Variants in SOX5 observed in about 807,000 individuals in gnomAD.
SOX5 encodes SRY-box transcription factor 5.
SOX5 carries 9 observed loss-of-function variants against 92.0 expected under a neutral mutation model. The ratio of observed to expected loss-of-function variants is 0.10; its 90% CI spans 0.06 to 0.17. The LOEUF is 0.17. Among genes scored for constraint, SOX5 ranks in the 10% least tolerant of loss-of-function variants. The probability of loss-of-function intolerance (pLI) is 1.00; values close to 1 mark genes in which losing one functional copy is unlikely to be tolerated. For synonymous variants in SOX5, 344 were observed against 336.3 expected (o/e 1.02, Z -0.25); for missense variants, 642 against 944.5 (o/e 0.68, Z 4.20).
chr12:23,945,035 C>T (rs914848122), intron 1 of SOX5, among the ~76,000 whole-genome samples: 2 of 152,094 alleles, frequency 1.3e-5, no homozygotes, highest in African/African-American at 4.8e-5. Flanking sequence ...AGGTATTCAG[C>T]CTACATAATG....
At chr12:23,555,418 ACT>A (rs1010200935) in intron 11 of SOX5, among the ~76,000 whole-genome samples, 30 of 151,664 alleles carry the variant, frequency 2.0e-4, no homozygotes, top group African/African-American at 7.3e-4. Flanking sequence ...AGAACACAAG[ACT>A]CTCTGTTTGA....
At chr12:23,585,436 T>C (rs1288326752) in intron 9 of SOX5, among the ~76,000 whole-genome samples, 2 of 152,098 alleles carry the variant, frequency 1.3e-5, no homozygotes, top group African/African-American at 4.8e-5. Flanking sequence ...GGTCAGTACA[T>C]CCAAACTACA....
At chr12:23,971,765 T>G (rs1235568606) in intron 4 of SOX5, among the ~76,000 whole-genome samples, 5 of 152,098 alleles carry the variant, frequency 3.3e-5, no homozygotes, top group Non-Finnish European at 7.4e-5. Flanking sequence ...CCCAAGTCTG[T>G]TAATTATTTT....
intron 1 of SOX5, among the ~76,000 whole-genome samples, chr12:24,479,058 A>G (rs537101947): frequency 2.0e-5 from 3 of 152,296 alleles, no homozygotes; most frequent in South Asian, 4.2e-4. Context: ...AACCTAGCCA[A>G]TCTGAACTTC....
At chr12:24,371,960 C>T (rs988179671) in intron 1 of SOX5, among the ~76,000 whole-genome samples, 8 of 150,646 alleles carry the variant, frequency 5.3e-5, no homozygotes, top group African/African-American at 1.7e-4. Context: ...TGCACTCTAG[C>T]GTGGGTGACA....
chr12:23,988,837 C>T (rs1367525882), intron 4 of SOX5, among the ~76,000 whole-genome samples: 3 of 150,294 alleles, frequency 2.0e-5, no homozygotes, highest in Admixed American at 6.6e-5. Context: ...TCTAAGTCAC[C>T]GAGGTACAAG....
chr12:24,219,735 C>G (rs1959939438), intron 3 of SOX5, among the ~76,000 whole-genome samples: 1 of 152,038 alleles, frequency 6.6e-6, no homozygotes, highest in African/African-American at 2.4e-5. Context: ...AATAAGGCTC[C>G]AATCCCTCAT....
intron 3 of SOX5, among the ~76,000 whole-genome samples, chr12:23,831,234 C>CAAATATCA (rs2096312572): frequency 6.6e-6 from 1 of 151,656 alleles, no homozygotes; most frequent in Non-Finnish European, 1.5e-5. Context: ...GTGACAGATG[C>CAAATATCA]AAATATCAAA....
chr12:24,271,352 G>A (rs1211857234), intron 3 of SOX5, among the ~76,000 whole-genome samples: 2 of 151,930 alleles, frequency 1.3e-5, no homozygotes, highest in South Asian at 2.1e-4. Flanking sequence ...TTCTTCTTTT[G>A]CCTTTTTCTA....
At chr12:23,593,226 A>G (rs1043831481) in intron 9 of SOX5, among the ~76,000 whole-genome samples, 3 of 152,192 alleles carry the variant, frequency 2.0e-5, no homozygotes, top group Admixed American at 2.0e-4. Flanking sequence ...CCCTGATCAT[A>G]TTACACAGAC....
Position 24,166,033 on chromosome 12 carries a change from A to C in SOX5, c.-2+47310T>G, listed in dbSNP as rs1953367261. On this transcript the variant is annotated intron_variant, in intron 4 of 4. Transcript: ENST00000446891. ...ACAATAACCCAGGAAAACATCATTAAGGTAAATGAACTGGGGTAGTGGAAG... is the reference window on the plus strand; with the variant it reads ...ACAATAACCCAGGAAAACATCATTACGGTAAATGAACTGGGGTAGTGGAAG... Among the ~76,000 whole-genome samples the C allele has an allele frequency of 1.3e-5, 2 of 152,160 alleles. 1 individual carries two copies. The highest frequency in any genetic ancestry group is 4.1e-4 in the South Asian group (2 of 4,828).
In SOX5 at chr12:23,640,752, T is replaced by C. The variant is rs1036211092; in HGVS notation, c.1017+60A>G. On this transcript the variant is annotated intron_variant, in intron 8 of 14. Coordinates refer to ENST00000451604, the MANE Select transcript of SOX5 (RefSeq NM_006940.6). The stretch of plus-strand genomic sequence containing the variant: ...TCAGTTTTATTTTGCTTTAACACCA[T>C]AATAGCTGTTTTCGATATTTACTTA... The C allele has an allele frequency of 5.0e-6, 6 of 1,200,192 alleles. No homozygotes were observed. The African/African-American group carries it at 9.0e-5, about 18-fold the overall frequency. 74.3% of individuals were successfully genotyped at this position (1,200,192 alleles called of 1,614,324 possible).
At chr12:23,935,366 C>A (rs1289516524) in intron 1 of SOX5, among the ~76,000 whole-genome samples, 2 of 151,256 alleles carry the variant, frequency 1.3e-5, no homozygotes, top group Admixed American at 1.3e-4. Context: ...GATGTGAACA[C>A]TGACACACTT....
chr12:23,854,037 G>C (rs1360799588), intron 2 of SOX5, among the ~76,000 whole-genome samples: 1 of 151,852 alleles, frequency 6.6e-6, no homozygotes, highest in Admixed American at 6.6e-5. Context: ...GTCGTTTTTA[G>C]TAAACTTGAC....
At chr12:23,866,463 A>T (rs1490970925) in intron 2 of SOX5, among the ~76,000 whole-genome samples, 1 of 152,218 alleles carries the variant, frequency 6.6e-6, no homozygotes, top group Non-Finnish European at 1.5e-5. Flanking sequence ...CTCTGTCACT[A>T]GGAGAGGCAT....
rs373440471 is a variant in SOX5, at chr12:23,983,932, G to A, written c.-1-87908C>T. Among the ~76,000 whole-genome samples, 82 of 152,194 alleles carry A rather than the reference G, an allele frequency of 5.4e-4. No individual in the cohort carries two copies. In the East Asian group the frequency reaches 8.1e-3, roughly 15 times the overall value. ...TTAAAACAACAAAATAAACCTCAAT[G>A]TGCAGCTTGGGAAATCCAAATCCAC... On this transcript the variant is annotated intron_variant, in intron 4 of 4. Coordinates refer to the SOX5 transcript ENST00000446891.
intron 8 of SOX5, among the ~76,000 whole-genome samples, chr12:23,622,674 T>A (rs894365613): frequency 1.2e-4 from 18 of 152,154 alleles, no homozygotes; most frequent in Admixed American, 1.2e-3. Flanking sequence ...AACTTACCAT[T>A]GATCTGGTAC....
chr12:24,280,722 A>G (rs560464647), intron 2 of SOX5, among the ~76,000 whole-genome samples: 4 of 152,152 alleles, frequency 2.6e-5, no homozygotes, highest in Admixed American at 6.5e-5. Context: ...TGTTTCACAT[A>G]TTGAGAAAGT....
At chr12:24,474,427 CA>C (rs1945137221) in intron 1 of SOX5, among the ~76,000 whole-genome samples, 1 of 152,142 alleles carries the variant, frequency 6.6e-6, no homozygotes, top group Non-Finnish European at 1.5e-5. Flanking sequence ...GGTGTGATAT[CA>C]TTTGAAGTTT....
Sources: allele counts gnomAD v4.1 joint callset (sites outside exome capture counted in the v4.1 genomes callset), GRCh38; gene constraint gnomAD v4.1.1; transcripts MANE v1.5; gene names NCBI Gene and HGNC (gene_info 2026-07-23, HGNC 2026-07-21).